The following RBAK variants were observed in gnomAD, a reference collection of about 807,000 sequenced individuals.
The protein encoded by RBAK is RB associated KRAB zinc finger.
In RBAK, 39 loss-of-function variants were observed where a neutral mutation model predicts 65.8. The observed-to-expected ratio is 0.59, with a 90% CI of 0.46 to 0.77. The LOEUF is 0.77. Ranked by LOEUF, RBAK falls within the 30% of genes least tolerant of loss-of-function variation. RBAK has a pLI of 0.00. For missense variants in RBAK, 884 were observed against 855.1 expected (o/e 1.03, Z -0.42); for synonymous variants, 343 against 289.7 (o/e 1.18, Z -1.87).
At chr7:5,061,435 T>TGTTTTG (rs1295605648) in intron 4 of RBAK, among the ~76,000 whole-genome samples, 51 of 145,324 alleles carry the variant, frequency 3.5e-4, no homozygotes, top group African/African-American at 1.2e-3. Context: ...TTGGGTTTTT[T>TGTTTTG]GTTTTGTTTT....
In RBAK at chr7:5,048,320, G is replaced by C. The variant is rs1788040639; in HGVS notation, c.15+229G>C. Among the ~76,000 whole-genome samples the C allele has an allele frequency of 2.0e-5, 3 of 151,994 alleles. No homozygotes were observed. Among genetic ancestry groups the C allele is most frequent in the Non-Finnish European group, 4.4e-5 (3 of 67,996 alleles). On this transcript the variant is annotated intron_variant, in intron 2 of 4. Coordinates refer to ENST00000396912, the MANE Select transcript of RBAK (RefSeq NM_021163.4). This position sits in a 1 kb window ranked among gnomAD's most constrained non-coding sequence, Gnocchi z 4.4. Reference sequence around the variant, plus strand: ...CCCGAGTAGCTGGGATTACAGGCGTGCGCCACCATGCCCAACTAATTTTTT... The same window carrying C: ...CCCGAGTAGCTGGGATTACAGGCGTCCGCCACCATGCCCAACTAATTTTTT...
chr7:5,057,165 C>A, intron 2 of RBAK, 130 bp from the exon 3 acceptor site: 1 of 1,400,814 alleles, frequency 7.1e-7, no homozygotes, highest in South Asian at 1.4e-5. Context: ...AATATGATTT[C>A]CCTTCCATAA....
intron 4 of RBAK, among the ~76,000 whole-genome samples, 200 bp from the exon 5 acceptor site, chr7:5,063,494 TG>T (rs1779129237): frequency 1.3e-5 from 2 of 152,036 alleles, no homozygotes; most frequent in South Asian, 4.2e-4. Flanking sequence ...TGTGTGTGTG[TG>T]TGTGTGTGTG....
At chr7:5,058,383 T>C (rs1778980263) in intron 4 of RBAK, among the ~76,000 whole-genome samples, 1 of 152,248 alleles carries the variant, frequency 6.6e-6, no homozygotes, top group Non-Finnish European at 1.5e-5. Flanking sequence ...CAGAATTGTT[T>C]TGTTTTGGGG....
chr7:5,061,761 G>A (rs994498495), intron 4 of RBAK, among the ~76,000 whole-genome samples: 16 of 151,952 alleles, frequency 1.1e-4, no homozygotes, highest in South Asian at 6.2e-4. Flanking sequence ...AGCTGGGTGC[G>A]GTGGCGTGTG....
intron 4 of RBAK, among the ~76,000 whole-genome samples, chr7:5,061,915 A>T (rs1000874391): frequency 8.6e-5 from 13 of 151,512 alleles, no homozygotes; most frequent in African/African-American, 3.2e-4. Flanking sequence ...AAAAACAGAT[A>T]CCTTGTCTTC....
At chr7:5,050,933 G>A (rs1788102294) in intron 2 of RBAK, among the ~76,000 whole-genome samples, 1 of 152,150 alleles carries the variant, frequency 6.6e-6, no homozygotes, top group Non-Finnish European at 1.5e-5. Flanking sequence ...ATGCAGGAAA[G>A]ACAGTTTCTA....
chr7:5,050,378 A>C (rs2115026750), intron 2 of RBAK, among the ~76,000 whole-genome samples: 1 of 152,304 alleles, frequency 6.6e-6, no homozygotes, highest in East Asian at 1.9e-4. Flanking sequence ...AAGTCTAATC[A>C]GGTTTATGTT....
chr7:5,065,009 A>G lies in RBAK; in HGVS notation c.1553A>G (p.Lys518Arg). The G allele has an allele frequency of 6.2e-7, 1 of 1,614,060 alleles. No homozygotes were observed. The highest frequency in any genetic ancestry group is 8.5e-7 in the Non-Finnish European group (1 of 1,179,938). ...EKPYECNECG[K>R]TFLVNSAFDG... ...CCCTATGAATGTAATGAATGTGGGA[A>G]AACCTTCCTTGTAAATTCAGCCTTC... Residue 518 changes from lysine to arginine, a missense_variant, in exon 5 of 5, where the codon AAA becomes AGA. By Grantham distance (26) the Lys-to-Arg change is conservative. Coordinates refer to ENST00000396912, the MANE Select transcript of RBAK (RefSeq NM_021163.4). This position sits in a 1 kb window ranked among gnomAD's most constrained non-coding sequence, Gnocchi z 5.3.
rs372251947 is a variant in RBAK at position 5,058,119 on chromosome 7, A to C, written c.238+340A>C. ...AGACAGAATCTTGTTCTGTCACCCA[A>C]GCTGGTGTGCAGTGGTATGATCTCA... On this transcript the variant is annotated intron_variant, in intron 4 of 4. Coordinates refer to ENST00000396912, the MANE Select transcript of RBAK (RefSeq NM_021163.4). Among the ~76,000 whole-genome samples, 6 of 152,228 alleles carry C rather than the reference A, an allele frequency of 3.9e-5. No individual in the cohort carries two copies. In the South Asian group the frequency reaches 1.0e-3, roughly 26 times the overall value.
Position 5,064,326 on chromosome 7 carries a change from A to T in RBAK, c.870A>T (p.Glu290Asp). Residue 290 changes from glutamate to aspartate, a missense_variant, in exon 5 of 5, where the codon GAA (glutamate) becomes GAT (aspartate). By Grantham distance (45) the Glu-to-Asp change is conservative. Transcript: ENST00000396912. The surrounding 1 kb of genome is among the most constrained non-coding windows in gnomAD (Gnocchi z 6.3). The part of the protein sequence containing the change: ...QRAHTGEKPY[E>D]CNVCGKSFSQ... ...CTCACACAGGAGAGAAACCTTATGA[A>T]TGTAATGTATGTGGGAAATCCTTCA... is the stretch of plus-strand genomic sequence containing the variant. The T allele has an allele frequency of 6.2e-7, 1 of 1,614,160 alleles. No homozygotes were observed. The highest frequency in any genetic ancestry group is 1.1e-5 in the South Asian group (1 of 91,082).
At position 5,065,493 on chromosome 7, in the gene RBAK, T is replaced by C. The variant is rs776306620; in HGVS notation, c.2037T>C (p.Tyr679=). The part of the protein sequence containing the change: ...HYRTHSGEKP[Y]ECNECGKKFH... ...GAACTCATTCAGGAGAGAAACCCTA[T>C]GAATGTAACGAGTGTGGGAAAAAAT... The change falls in exon 5 of 5, where the codon TAT becomes TAC. Residue 679 remains tyrosine (Y), a synonymous_variant. Transcript: ENST00000396912. The surrounding 1 kb of genome is among the most constrained non-coding windows in gnomAD (Gnocchi z 5.3). The C allele has an allele frequency of 1.9e-6, 3 of 1,605,904 alleles. No individual in the cohort carries two copies. The highest frequency in any genetic ancestry group is 1.3e-5 in the African/African-American group (1 of 74,736).
In RBAK at chr7:5,064,447, C is replaced by T; in HGVS notation, c.991C>T (p.His331Tyr). The T allele has an allele frequency of 6.2e-7, 1 of 1,613,962 alleles. No homozygotes were observed. ...ECGKTFCQKL[H>Y]LTQHLRTHSG... ...TGGGAAAACCTTTTGTCAGAAGTTA[C>T]ACCTCACTCAACACCTAAGAACTCA... The change falls in exon 5 of 5, where the codon CAC becomes TAC. Residue 331 changes from histidine to tyrosine, a missense_variant. His to Tyr is a moderately conservative substitution (Grantham distance 83). Coordinates refer to ENST00000396912, the MANE Select transcript of RBAK (RefSeq NM_021163.4). The surrounding 1 kb of genome is among the most constrained non-coding windows in gnomAD (Gnocchi z 6.3).
chr7:5,064,168 T>C lies in RBAK; in HGVS notation c.712T>C (p.Ser238Pro), dbSNP rs1222342437. 1 of 1,613,992 alleles carries C rather than the reference T, an allele frequency of 6.2e-7. No homozygotes were observed. Among genetic ancestry groups the C allele is most frequent in the South Asian group, 1.1e-5 (1 of 91,076 alleles). The change falls in exon 5 of 5, where the codon TCT becomes CCT. Residue 238 changes from serine (S) to proline (P), a missense_variant. Ser to Pro is a moderately conservative substitution (Grantham distance 74). Transcript: ENST00000396912. This position sits in a 1 kb window ranked among gnomAD's most constrained non-coding sequence, Gnocchi z 6.3. ...IGEKPYEWND[S>P]GPDFIQMSNF... ...GGAGAAGCCCTATGAGTGGAATGAT[T>C]CTGGACCAGACTTCATACAGATGTC...
intron 2 of RBAK, among the ~76,000 whole-genome samples, chr7:5,049,404 C>T (rs964269490): frequency 2.6e-5 from 4 of 152,202 alleles, no homozygotes; most frequent in African/African-American, 9.7e-5. Flanking sequence ...TTGGGTTGCA[C>T]AGCAAACAAT....
intron 2 of RBAK, among the ~76,000 whole-genome samples, chr7:5,049,745 A>G (rs1788074636): frequency 6.6e-6 from 1 of 151,740 alleles, no homozygotes; most frequent in Non-Finnish European, 1.5e-5. Flanking sequence ...TTTTTTTGAG[A>G]TAGGGTCTTG....
chr7:5,055,614 A>G (rs1289627458), intron 2 of RBAK, among the ~76,000 whole-genome samples: 1 of 152,180 alleles, frequency 6.6e-6, no homozygotes, highest in African/African-American at 2.4e-5. Context: ...GCTATTGTAT[A>G]TTATGTTTTT....
Position 5,064,965 on chromosome 7 carries a change from A to G in RBAK, c.1509A>G (p.Thr503=). Residue 503 remains threonine (T), a synonymous_variant, in exon 5 of 5, where the codon ACA becomes ACG. Coordinates refer to ENST00000396912, the MANE Select transcript of RBAK (RefSeq NM_021163.4). This position sits in a 1 kb window ranked among gnomAD's most constrained non-coding sequence, Gnocchi z 6.3. Reference sequence around the variant, plus strand: ...AGTTGTATCTCACCGACCATCATACAGCTCATTTAGAAGAGAAACCCTATG... The same window carrying G: ...AGTTGTATCTCACCGACCATCATACGGCTCATTTAGAAGAGAAACCCTATG... ...FSQLYLTDHH[T]AHLEEKPYEC... 6.2e-7 allele frequency: 1 copy of G among 1,614,162 alleles called. No homozygotes were observed. The highest frequency in any genetic ancestry group is 8.5e-7 in the Non-Finnish European group (1 of 1,179,988).
Position 5,048,915 on chromosome 7 carries a change from G to C in RBAK, c.15+824G>C, listed in dbSNP as rs541236734. On this transcript the variant is annotated intron_variant, in intron 2 of 4. Coordinates refer to ENST00000396912, the MANE Select transcript of RBAK (RefSeq NM_021163.4). This position sits in a 1 kb window ranked among gnomAD's most constrained non-coding sequence, Gnocchi z 4.4. Reference sequence around the variant, plus strand: ...ACCACGTCTTGTGATAAGTCACTGAGTGTCAGGAGAACAGCACCAAAAGGG... The same window carrying C: ...ACCACGTCTTGTGATAAGTCACTGACTGTCAGGAGAACAGCACCAAAAGGG... Among the ~76,000 whole-genome samples, 3 of 152,278 alleles carry C rather than the reference G, an allele frequency of 2.0e-5. No homozygotes were observed. Among genetic ancestry groups the C allele is most frequent in the South Asian group, 2.1e-4 (1 of 4,818 alleles).
Sources: allele counts gnomAD v4.1 joint callset (sites outside exome capture counted in the v4.1 genomes callset), GRCh38; gene constraint gnomAD v4.1.1; non-coding constraint Gnocchi (gnomAD v3.1); transcripts MANE v1.5; gene names NCBI Gene and HGNC (gene_info 2026-07-23, HGNC 2026-07-21).